OTUD7B: variants seen among roughly 807,000 people sequenced by gnomAD.
OTUD7B encodes the protein OTU deubiquitinase 7B.
OTUD7B carries 34 observed loss-of-function variants against 82.2 expected under a neutral mutation model. The observed-to-expected ratio is 0.41, with a 90% CI of 0.31 to 0.55. The LOEUF (loss-of-function observed/expected upper bound fraction) is 0.55, where lower values mean the gene tolerates loss of function less well. Among genes scored for constraint, OTUD7B ranks in the 20% least tolerant of loss-of-function variants. OTUD7B has a pLI of 0.20. For synonymous variants in OTUD7B, 398 were observed against 402.7 expected, an observed-to-expected ratio of 0.99 and a Z score of 0.14; for missense variants, 944 against 1,062.1, an observed-to-expected ratio of 0.89 and a Z score of 1.55.
chr1:150,031,644 A>G, the OTUD7B span, among the ~76,000 whole-genome samples: 179 of 152,356 alleles, frequency 1.2e-3, 3 homozygotes, highest in East Asian at 0.03. Flanking sequence ...GTTTTAATAT[A>G]GCATAGTAGT....
intron 1 of OTUD7B, among the ~76,000 whole-genome samples, chr1:149,981,279 C>T (rs895409697): frequency 5.3e-5 from 8 of 152,140 alleles, no homozygotes; most frequent in Admixed American, 2.0e-4. Context: ...AAATACCTGC[C>T]CCCATGCAAG....
the OTUD7B span, among the ~76,000 whole-genome samples, chr1:150,032,969 C>A: frequency 2.0e-5 from 3 of 152,162 alleles, no homozygotes; most frequent in Non-Finnish European, 4.4e-5. Context: ...GAGTTTTTAA[C>A]CCCCAACATA....
Position 149,964,301 on chromosome 1 carries a change from T to C in OTUD7B, c.653A>G (p.Tyr218Cys), listed in dbSNP as rs1553776077. 1.9e-6 allele frequency: 3 copies of C among 1,614,102 alleles called. No homozygotes were observed. The highest frequency in any genetic ancestry group is 4.5e-5 in the East Asian group (2 of 44,884). The change falls in exon 6 of 12, where the codon TAT (tyrosine) becomes TGT (cysteine). Residue 218 changes from tyrosine to cysteine, a missense_variant. Transcript: ENST00000581312. Reference protein sequence around the residue: ...DRDLMLRKALYALMEKGVEKE... With the variant: ...DRDLMLRKALCALMEKGVEKE... Reference sequence around the variant, plus strand: ...CTCAACTCCCTTCTCCATCAGTGCATACAAAGCTTTCCGCAGCATCAAGTC... The same window carrying C: ...CTCAACTCCCTTCTCCATCAGTGCACACAAAGCTTTCCGCAGCATCAAGTC...
chr1:149,963,488 C>G (rs148688856), intron 6 of OTUD7B: 1 of 151,988 alleles, frequency 6.6e-6, no homozygotes, highest in African/African-American at 2.4e-5. Flanking sequence ...AAAGCAGTTA[C>G]ACGTGTAAAC....
At chr1:149,986,020 C>CT (rs1167427795) in intron 1 of OTUD7B, among the ~76,000 whole-genome samples, 3 of 152,132 alleles carry the variant, frequency 2.0e-5, no homozygotes, top group Non-Finnish European at 4.4e-5. Context: ...TTGCCCACTT[C>CT]TTTCTTGGTG....
In OTUD7B at chr1:149,981,751, C is replaced by T. The variant is rs587686043; in HGVS notation, c.-66-4175G>A. ...TTATGTTGTTCAAAATTCGCTTCTG[C>T]TATCTTTGCCTCTCACCCCTACTTC... On this transcript the variant is annotated intron_variant, in intron 1 of 11. Coordinates refer to ENST00000581312, the MANE Select transcript of OTUD7B (RefSeq NM_020205.4). 1.1e-4 allele frequency among the ~76,000 whole-genome samples: 16 copies of T among 152,320 alleles called. No homozygotes were observed. The South Asian group carries it at 2.9e-3, about 28-fold the overall frequency.
the OTUD7B span, among the ~76,000 whole-genome samples, chr1:150,045,980 G>T: frequency 6.6e-6 from 1 of 152,116 alleles, no homozygotes; most frequent in African/African-American, 2.4e-5. Flanking sequence ...TAATTATATT[G>T]CTTGTAGTTC....
intron 2 of OTUD7B, among the ~76,000 whole-genome samples, chr1:149,974,139 A>C (rs1345753414): frequency 6.6e-6 from 1 of 151,984 alleles, no homozygotes; most frequent in East Asian, 1.9e-4. Flanking sequence ...ATCTCGGCTC[A>C]CTGCAACCTC....
the OTUD7B span, among the ~76,000 whole-genome samples, chr1:150,036,423 C>A: frequency 6.6e-6 from 1 of 151,944 alleles, no homozygotes; most frequent in African/African-American, 2.4e-5. Context: ...CCACACTCAA[C>A]TAATTTTTGT....
At chr1:150,006,010 T>A (rs1652639147) in intron 1 of OTUD7B, among the ~76,000 whole-genome samples, 1 of 152,212 alleles carries the variant, frequency 6.6e-6, no homozygotes, top group African/African-American at 2.4e-5. Flanking sequence ...TTATTCATTT[T>A]ACGGATTTCT....
the OTUD7B span, among the ~76,000 whole-genome samples, chr1:150,061,551 GCAA>G: frequency 2.5e-4 from 38 of 152,016 alleles, no homozygotes; most frequent in Non-Finnish European, 4.6e-4. Context: ...GTTCTCTAGG[GCAA>G]CGATTTCCAA....
At chr1:150,046,998 G>A in the OTUD7B span, among the ~76,000 whole-genome samples, 1 of 152,038 alleles carries the variant, frequency 6.6e-6, no homozygotes, top group Non-Finnish European at 1.5e-5. Flanking sequence ...TTGAACCCGG[G>A]AGGCGGAGAT....
At chr1:149,958,356 C>G (rs1452889228) in intron 7 of OTUD7B, among the ~76,000 whole-genome samples, 3 of 97,022 alleles carry the variant, frequency 3.1e-5, no homozygotes, top group Non-Finnish European at 5.5e-5. Context: ...GAAATGGAGT[C>G]TCACTCTGTC....
chr1:149,990,204 G>A (rs879958566), intron 1 of OTUD7B, among the ~76,000 whole-genome samples: 3 of 152,212 alleles, frequency 2.0e-5, no homozygotes, highest in Non-Finnish European at 4.4e-5. Flanking sequence ...GTTTACCCAG[G>A]TGGGTTAGGG....
At chr1:149,949,141 C>A in intron 9 of OTUD7B, 58 bp from the exon 10 acceptor site, 1 of 1,041,626 alleles carries the variant, frequency 9.6e-7, no homozygotes, top group Middle Eastern at 2.0e-4. Context: ...GGTAACTGAA[C>A]ACAGACTTAT....
upstream of OTUD7B, among the ~76,000 whole-genome samples, chr1:150,014,396 C>CA (rs149994819): frequency 0.98 from 114,465 of 117,024 alleles, 56,014 homozygotes; most frequent in South Asian, 0.99. Flanking sequence ...GAAAGTGTCT[C>CA]AAAAAAAAAA....
At chr1:149,946,436 A>T (rs1647745670) in intron 11 of OTUD7B, among the ~76,000 whole-genome samples, 1 of 151,972 alleles carries the variant, frequency 6.6e-6, no homozygotes, top group African/African-American at 2.4e-5. Context: ...ACAGGAGACT[A>T]ACGGTTTTTA....
chr1:150,057,650 G>C, the OTUD7B span, among the ~76,000 whole-genome samples: 49 of 152,282 alleles, frequency 3.2e-4, no homozygotes, highest in African/African-American at 1.2e-3. Flanking sequence ...AAAGGATTCA[G>C]TCTTTTCTCT....
intron 1 of OTUD7B, among the ~76,000 whole-genome samples, chr1:149,994,848 A>G (rs1208944499): frequency 6.6e-6 from 1 of 152,172 alleles, no homozygotes; most frequent in Non-Finnish European, 1.5e-5. Flanking sequence ...TCAAAAAAGC[A>G]TTGGACTGAC....
Sources: allele counts gnomAD v4.1 joint callset (sites outside exome capture counted in the v4.1 genomes callset), GRCh38; gene constraint gnomAD v4.1.1; transcripts MANE v1.5; gene names NCBI Gene and HGNC (gene_info 2026-07-23, HGNC 2026-07-21).